Variants in NXPE2 observed in about 807,000 individuals in gnomAD.
The protein encoded by NXPE2 is NXPE family member 2.
Under a neutral mutation model 34.4 loss-of-function variants are expected in NXPE2, and 34 were observed. That is an observed-to-expected ratio of 0.99 (90% CI 0.75 to 1.31). The LOEUF is 1.31. Among genes scored for constraint, NXPE2 ranks in the 40% most tolerant of loss-of-function variants. NXPE2 has a pLI of 0.00. For synonymous variants in NXPE2, 235 were observed against 231.3 expected (o/e 1.02, Z -0.15); for missense variants, 649 against 672.5 (o/e 0.97, Z 0.39).
the NXPE2 span, among the ~76,000 whole-genome samples, chr11:114,551,604 G>A: frequency 3.9e-5 from 6 of 152,170 alleles, no homozygotes; most frequent in South Asian, 2.1e-4. Flanking sequence ...GAATATGCTC[G>A]TATTACAAAA....
the NXPE2 span, among the ~76,000 whole-genome samples, chr11:114,600,997 G>A: frequency 6.6e-6 from 1 of 151,840 alleles, no homozygotes; most frequent in Non-Finnish European, 1.5e-5. Flanking sequence ...CCATCATTTC[G>A]AACAGGTTGA....
chr11:114,679,783 G>T, intron 2 of NXPE2, 21 bp downstream of exon 2: 1 of 1,433,078 alleles, frequency 7.0e-7, no homozygotes, highest in Non-Finnish European at 9.6e-7. Flanking sequence ...TCATTTTTAA[G>T]AATTTCACAG....
At chr11:114,697,185 T>G (rs1951274291) in intron 2 of NXPE2, among the ~76,000 whole-genome samples, 1 of 152,102 alleles carries the variant, frequency 6.6e-6, no homozygotes, top group Non-Finnish European at 1.5e-5. Flanking sequence ...TGTAAATAAG[T>G]GAAAGGGCTC....
At chr11:114,667,913 G>A in the NXPE2 span, among the ~76,000 whole-genome samples, 1 of 151,982 alleles carries the variant, frequency 6.6e-6, no homozygotes, top group African/African-American at 2.4e-5. Flanking sequence ...AATGTTTATT[G>A]TTTTAAATTA....
chr11:114,684,387 A>C (rs1951005209), intron 2 of NXPE2, among the ~76,000 whole-genome samples: 1 of 152,072 alleles, frequency 6.6e-6, no homozygotes, highest in Non-Finnish European at 1.5e-5. Context: ...AGATCACACC[A>C]CTGCACTCCA....
intron 3 of NXPE2, among the ~76,000 whole-genome samples, chr11:114,701,904 G>A (rs995487486): frequency 6.6e-6 from 1 of 152,132 alleles, no homozygotes; most frequent in Non-Finnish European, 1.5e-5. Context: ...GGGTTCCGTG[G>A]GGCTGAATGC....
At chr11:114,619,439 C>T in the NXPE2 span, among the ~76,000 whole-genome samples, 6 of 151,460 alleles carry the variant, frequency 4.0e-5, no homozygotes, top group South Asian at 2.1e-4. Context: ...CACTGTTACC[C>T]GGTGGAGAAT....
At chr11:114,702,290 C>A (rs191024927) in intron 3 of NXPE2, among the ~76,000 whole-genome samples, 76 of 152,180 alleles carry the variant, frequency 5.0e-4, no homozygotes, top group African/African-American at 1.8e-3. Context: ...AAATGAATTC[C>A]TTTATAACAT....
chr11:114,489,156 C>A, the NXPE2 span, among the ~76,000 whole-genome samples: 2 of 151,934 alleles, frequency 1.3e-5, no homozygotes, highest in Non-Finnish European at 2.9e-5. Flanking sequence ...AAGACTAAAC[C>A]AGGAAGAAGT....
At chr11:114,623,255 T>C in the NXPE2 span, among the ~76,000 whole-genome samples, 1 of 152,088 alleles carries the variant, frequency 6.6e-6, no homozygotes, top group Non-Finnish European at 1.5e-5. Flanking sequence ...TCCCGGTGGG[T>C]AATACATATT....
At chr11:114,511,364 G>C in the NXPE2 span, among the ~76,000 whole-genome samples, 1 of 152,124 alleles carries the variant, frequency 6.6e-6, no homozygotes, top group African/African-American at 2.4e-5. Context: ...TAGCCAGAGG[G>C]AGCACATCTC....
the NXPE2 span, among the ~76,000 whole-genome samples, chr11:114,505,787 A>C: frequency 6.6e-6 from 1 of 152,226 alleles, no homozygotes; most frequent in African/African-American, 2.4e-5. Context: ...TACACAGAGC[A>C]GTGACACTAT....
At chr11:114,605,987 G>A in the NXPE2 span, among the ~76,000 whole-genome samples, 1 of 151,408 alleles carries the variant, frequency 6.6e-6, no homozygotes, top group African/African-American at 2.4e-5. Flanking sequence ...ATTGTTACCA[G>A]GTGGATACTA....
At chr11:114,580,906 G>T in the NXPE2 span, among the ~76,000 whole-genome samples, 1 of 152,178 alleles carries the variant, frequency 6.6e-6, no homozygotes, top group African/African-American at 2.4e-5. Flanking sequence ...AGAAGAGTCT[G>T]GGAATCCACA....
the NXPE2 span, among the ~76,000 whole-genome samples, chr11:114,592,094 G>A: frequency 6.6e-6 from 1 of 152,068 alleles, no homozygotes; most frequent in African/African-American, 2.4e-5. Context: ...AAAGTCAAAA[G>A]CCTTCTGAGA....
At chr11:114,721,003 G>C in the NXPE2 span, among the ~76,000 whole-genome samples, 1 of 152,084 alleles carries the variant, frequency 6.6e-6, no homozygotes, top group Non-Finnish European at 1.5e-5. Flanking sequence ...TGTTAAATTG[G>C]TTACCCTTAC....
intron 3 of NXPE2, among the ~76,000 whole-genome samples, chr11:114,703,380 G>A (rs554186610): frequency 3.9e-5 from 6 of 152,318 alleles, no homozygotes; most frequent in South Asian, 2.1e-4. Context: ...AGTAATGTCC[G>A]TAGACCATTG....
the NXPE2 span, among the ~76,000 whole-genome samples, chr11:114,810,036 G>A: frequency 4.5e-4 from 68 of 151,484 alleles, no homozygotes; most frequent in South Asian, 5.0e-3. Context: ...AAATAATGCC[G>A]CATATCTACA....
chr11:114,597,585 G>C, the NXPE2 span, among the ~76,000 whole-genome samples: 3 of 152,172 alleles, frequency 2.0e-5, no homozygotes, highest in African/African-American at 7.2e-5. Context: ...AGAAGCCCTA[G>C]AAGCAATGAC....
Sources: allele counts gnomAD v4.1 joint callset (sites outside exome capture counted in the v4.1 genomes callset), GRCh38; gene constraint gnomAD v4.1.1; transcripts MANE v1.5; gene names NCBI Gene and HGNC (gene_info 2026-07-23, HGNC 2026-07-21).